The following FHAD1 variants were observed in gnomAD, a reference collection of about 807,000 sequenced individuals.
FHAD1 encodes forkhead associated phosphopeptide binding domain 1, also known as forkhead-associated domain-containing protein 1.
In FHAD1, 146 loss-of-function variants were observed where a neutral mutation model predicts 191.3. That is an observed-to-expected ratio of 0.76 (90% CI 0.67 to 0.88). The LOEUF (loss-of-function observed/expected upper bound fraction) is 0.88, where lower values mean the gene tolerates loss of function less well. Among genes scored for constraint, FHAD1 ranks in the 40% least tolerant of loss-of-function variants. The pLI, the probability that FHAD1 is intolerant of heterozygous loss-of-function variation, is 0.00. For synonymous variants in FHAD1, 616 were observed against 672.3 expected, an observed-to-expected ratio of 0.92 and a Z score of 1.29; for missense variants, 1,635 against 1,785.8, an observed-to-expected ratio of 0.92 and a Z score of 1.52.
intron 26 of FHAD1, among the ~76,000 whole-genome samples, chr1:15,370,725 A>ACCC (rs1697828465): frequency 6.6e-6 from 1 of 151,930 alleles, no homozygotes; most frequent in African/African-American, 2.4e-5. Flanking sequence ...GGGCTGTGAT[A>ACCC]CTCCCGATGA....
rs1273913504 is a variant in FHAD1, at chr1:15,312,072, T to A, written c.1040-985T>A. 1.3e-5 allele frequency: 2 copies of A among 152,298 alleles called. No individual in the cohort carries two copies. Among genetic ancestry groups the A allele is most frequent in the African/African-American group, 4.8e-5 (2 of 41,464 alleles). The allele number at this position is 152,298 out of a possible 1,614,324, so 9.4% of individuals were successfully genotyped here. On this transcript the variant is annotated intron_variant, in intron 7 of 33. Coordinates refer to ENST00000688493, the MANE Select transcript of FHAD1 (RefSeq NM_001391957.1). This position sits in a 1 kb window ranked among gnomAD's most constrained non-coding sequence, Gnocchi z 4.7. ...ACATGGCGGTTGGCTTTCCCCAGAC[T>A]GAGTGATCCAAGGAGAGCAAAGAAG...
Position 15,345,422 on chromosome 1 carries a change from G to A in FHAD1, c.2245G>A (p.Ala749Thr). The A allele has an allele frequency of 6.4e-7, 1 of 1,552,268 alleles. No individual in the cohort carries two copies. The highest frequency in any genetic ancestry group is 8.7e-7 in the Non-Finnish European group (1 of 1,147,064). ...SLLAQQKKALAKSITQEKNRV... is the reference protein window; with the variant it reads ...SLLAQQKKALTKSITQEKNRV... Reference sequence around the variant, plus strand: ...ACAATGATCGTTGACTCAGGCTTTGGCGAAAAGCATTACCCAGGAGAAGAA... The same window carrying A: ...ACAATGATCGTTGACTCAGGCTTTGACGAAAAGCATTACCCAGGAGAAGAA... Residue 749 changes from alanine to threonine, a missense_variant, in exon 18 of 34, where the codon GCG (alanine) becomes ACG (threonine). By Grantham distance (58) the Ala-to-Thr change is moderately conservative. Coordinates refer to ENST00000688493, the MANE Select transcript of FHAD1 (RefSeq NM_001391957.1).
chr1:15,394,302 T>C (rs1387248107), intron 33 of FHAD1, among the ~76,000 whole-genome samples: 1 of 152,146 alleles, frequency 6.6e-6, no homozygotes, highest in Non-Finnish European at 1.5e-5. Context: ...ACTCCCTGGC[T>C]CCAACTCTGA....
chr1:15,327,160 G>T lies in FHAD1; in HGVS notation c.1557+18G>T. ...ACCAACAGGTTAGTCTGCCGTCCCTGCCACGTGGCTCCTTCACTTTCCTCT... is the reference window on the plus strand; with the variant it reads ...ACCAACAGGTTAGTCTGCCGTCCCTTCCACGTGGCTCCTTCACTTTCCTCT... On this transcript the variant is annotated intron_variant, in intron 12 of 33. Transcript: ENST00000688493. This position sits in a 1 kb window ranked among gnomAD's most constrained non-coding sequence, Gnocchi z 5.1. The T allele has an allele frequency of 6.6e-7, 1 of 1,520,726 alleles. No homozygotes were observed. Among genetic ancestry groups the T allele is most frequent in the African/African-American group, 1.4e-5 (1 of 72,566 alleles). 94.2% of individuals were successfully genotyped at this position (1,520,726 alleles called of 1,614,324 possible).
intron 14 of FHAD1, among the ~76,000 whole-genome samples, chr1:15,336,635 G>A (rs961750563): frequency 5.9e-5 from 9 of 152,064 alleles, no homozygotes; most frequent in African/African-American, 2.2e-4. Flanking sequence ...ATTCTTCTCT[G>A]GAATCCATCG....
intron 14 of FHAD1, among the ~76,000 whole-genome samples, chr1:15,332,705 A>C (rs1682218995): frequency 6.6e-6 from 1 of 152,198 alleles, no homozygotes; most frequent in Non-Finnish European, 1.5e-5. Context: ...TGTGATAGTG[A>C]GACCTTGTCT....
Position 15,362,715 on chromosome 1 carries a change from C to G in FHAD1, c.3036C>G (p.Tyr1012Ter), listed in dbSNP as rs1414383870. Reference protein sequence around the residue: ...MTESSAKDMAYEHLIDDLLAA... With the variant: ...MTESSAKDMA Reference sequence around the variant, plus strand: ...AGAGCAGTGCCAAAGACATGGCGTACGAACATCTGATGTGAGTACCCGTGG... The same window carrying G: ...AGAGCAGTGCCAAAGACATGGCGTAGGAACATCTGATGTGAGTACCCGTGG... Residue 1012 changes from tyrosine (Y) to a stop codon, truncating the protein, a stop_gained, in exon 23 of 34, where the codon TAC becomes TAG. Coordinates refer to ENST00000688493, the MANE Select transcript of FHAD1 (RefSeq NM_001391957.1). LOFTEE classifies it high-confidence loss of function. 6.4e-7 allele frequency: 1 copy of G among 1,551,550 alleles called. No individual in the cohort carries two copies. Among genetic ancestry groups the G allele is most frequent in the South Asian group, 1.2e-5 (1 of 84,058 alleles).
At chr1:15,299,336 C>T (rs1473409376) in intron 5 of FHAD1, among the ~76,000 whole-genome samples, 1 of 152,146 alleles carries the variant, frequency 6.6e-6, no homozygotes, top group Non-Finnish European at 1.5e-5. Context: ...GCTTCCCCTC[C>T]CCCGCTATCA....
At chr1:15,339,216 C>G (rs1002598960) in intron 14 of FHAD1, among the ~76,000 whole-genome samples, 1 of 152,132 alleles carries the variant, frequency 6.6e-6, no homozygotes, top group Non-Finnish European at 1.5e-5. Flanking sequence ...GGGGTTTTAT[C>G]ACGCTGGCCA....
At chr1:15,324,349 C>G (rs1165509447) in intron 10 of FHAD1, 103 bp from the exon 11 acceptor site, 2 of 902,502 alleles carry the variant, frequency 2.2e-6, no homozygotes, top group East Asian at 2.6e-5. Context: ...GCTGTGCCTA[C>G]CCCTCTGGGA....
upstream of FHAD1, among the ~76,000 whole-genome samples, chr1:15,245,837 G>C (rs1486218505): frequency 6.6e-6 from 1 of 152,190 alleles, no homozygotes; most frequent in Non-Finnish European, 1.5e-5. Context: ...CAGAATCTCT[G>C]GGGTCTGTGC....
At chr1:15,378,219 A>T (rs1700101785) in intron 28 of FHAD1, among the ~76,000 whole-genome samples, 1 of 152,246 alleles carries the variant, frequency 6.6e-6, no homozygotes, top group Non-Finnish European at 1.5e-5. Flanking sequence ...CGGGAGGCAG[A>T]GGTTGCAGTG....
At chr1:15,319,785 A>G (rs1232692187) in intron 10 of FHAD1, among the ~76,000 whole-genome samples, 2 of 152,248 alleles carry the variant, frequency 1.3e-5, no homozygotes, top group East Asian at 3.8e-4. Context: ...TCATAATTGT[A>G]TAATTTGCCT....
chr1:15,259,640 G>C (rs977258472), intron 2 of FHAD1, among the ~76,000 whole-genome samples: 9 of 152,222 alleles, frequency 5.9e-5, no homozygotes, highest in African/African-American at 1.7e-4. Context: ...CTTTTCCTGT[G>C]ATCCTCATCG....
chr1:15,376,573 G>A (rs371502995), intron 28 of FHAD1, among the ~76,000 whole-genome samples: 12 of 152,290 alleles, frequency 7.9e-5, no homozygotes, highest in Admixed American at 2.0e-4. Flanking sequence ...GTCCAGATCC[G>A]AGCTCTGCGA....
chr1:15,320,303 G>A (rs1382955553), intron 10 of FHAD1, among the ~76,000 whole-genome samples: 5 of 152,158 alleles, frequency 3.3e-5, no homozygotes, highest in Non-Finnish European at 7.3e-5. Flanking sequence ...GTGCACACTT[G>A]AGAAGAATAC....
intron 28 of FHAD1, among the ~76,000 whole-genome samples, chr1:15,377,134 C>G (rs951276306): frequency 6.6e-6 from 1 of 152,040 alleles, no homozygotes; most frequent in Non-Finnish European, 1.5e-5. Flanking sequence ...CAGGACCCGC[C>G]GAGGGCACGT....
Position 15,324,488 on chromosome 1 carries a change from T to C in FHAD1, c.1402T>C (p.Leu468=). 3 of 1,552,202 alleles carry C rather than the reference T, an allele frequency of 1.9e-6. No individual in the cohort carries two copies. Among genetic ancestry groups the C allele is most frequent in the South Asian group, 2.4e-5 (2 of 84,046 alleles). Residue 468 remains leucine, a synonymous_variant, in exon 11 of 34, where the codon TTG becomes CTG. Transcript: ENST00000688493. ...EKLQEDSRRK[L]LQLQEMGNRE... ...GCTTCAGGAGGATTCCAGAAGGAAA[T>C]TGCTTCAGCTGCAAGAAATGGGGAA...
intron 3 of FHAD1, among the ~76,000 whole-genome samples, chr1:15,274,507 G>A (rs2101386686): frequency 6.6e-6 from 1 of 152,150 alleles, no homozygotes; most frequent in Non-Finnish European, 1.5e-5. Flanking sequence ...AGCTACTCTG[G>A]AGGCTGAGGC....
Sources: allele counts gnomAD v4.1 joint callset (sites outside exome capture counted in the v4.1 genomes callset), GRCh38; gene constraint gnomAD v4.1.1; non-coding constraint Gnocchi (gnomAD v3.1); transcripts MANE v1.5; gene names NCBI Gene and HGNC (gene_info 2026-07-23, HGNC 2026-07-21).